Variants in CCDC60 observed in about 807,000 individuals in gnomAD.
CCDC60 encodes coiled-coil domain containing 60, also known as coiled-coil domain-containing protein 60.
A neutral mutation model predicts 63.5 loss-of-function variants in CCDC60; 54 were observed. That is an observed-to-expected ratio of 0.85 (90% confidence interval 0.68 to 1.07). The LOEUF (loss-of-function observed/expected upper bound fraction) is 1.07, where lower values mean the gene tolerates loss of function less well. CCDC60 is among the 50% of genes least tolerant of loss of function. The pLI is 0.00. For missense variants in CCDC60, 651 were observed against 684.3 expected (o/e 0.95, Z 0.54); for synonymous variants, 206 against 238.8 (o/e 0.86, Z 1.27).
chr12:119,343,666 A>G (rs1205686317), intron 1 of CCDC60, among the ~76,000 whole-genome samples: 1 of 147,040 alleles, frequency 6.8e-6, no homozygotes, highest in Non-Finnish European at 1.5e-5. Context: ...CAAACTATAT[A>G]TATATATATA....
chr12:119,420,585 G>A lies in CCDC60; in HGVS notation c.91-8098G>A, dbSNP rs1001927942. Among the ~76,000 whole-genome samples, 5 of 152,108 alleles carry A rather than the reference G, an allele frequency of 3.3e-5. No homozygotes were observed. Among genetic ancestry groups the A allele is most frequent in the Admixed American group, 3.3e-4 (5 of 15,272 alleles). On this transcript the variant is annotated intron_variant, in intron 1 of 13. Coordinates refer to ENST00000327554, the MANE Select transcript of CCDC60 (RefSeq NM_178499.5). This position sits in a 1 kb window ranked among gnomAD's most constrained non-coding sequence, Gnocchi z 4.1. The stretch of plus-strand genomic sequence containing the variant: ...GGCTGGGAAGGATAGTGGGGGATGG[G>A]GGGCAGAAGGTGGGAATGGCTAACG...
intron 12 of CCDC60, among the ~76,000 whole-genome samples, chr12:119,529,030 G>A (rs1313442518): frequency 6.6e-6 from 1 of 152,156 alleles, no homozygotes; most frequent in Non-Finnish European, 1.5e-5. Flanking sequence ...ACCTTGCCAG[G>A]CCCTGTGGGA....
At chr12:119,409,329 C>A (rs1956551343) in intron 1 of CCDC60, among the ~76,000 whole-genome samples, 1 of 152,052 alleles carries the variant, frequency 6.6e-6, no homozygotes, top group Non-Finnish European at 1.5e-5. Flanking sequence ...AAGGACTGTC[C>A]TGTATATTGT....
At chr12:119,344,815 ATTCTCTCTCTCTCTCTCTCT>A in intron 1 of CCDC60, among the ~76,000 whole-genome samples, 1 of 138,558 alleles carries the variant, frequency 7.2e-6, no homozygotes, top group East Asian at 2.4e-4. Flanking sequence ...CTCTTAGAAC[ATTCTCTCTCTCTCTCTCTCT>A]TTCTCTCTCT....
chr12:119,506,778 A>G (rs138976088), intron 7 of CCDC60, among the ~76,000 whole-genome samples: 10 of 152,328 alleles, frequency 6.6e-5, no homozygotes, highest in Non-Finnish European at 1.5e-4. Context: ...TCTACTAGAT[A>G]GAATCATGAC....
intron 2 of CCDC60, among the ~76,000 whole-genome samples, chr12:119,471,312 C>A (rs2136325875): frequency 1.3e-5 from 2 of 152,342 alleles, no homozygotes; most frequent in Admixed American, 1.3e-4. Context: ...CTGTAGCAGT[C>A]ATGCTGACAG....
chr12:119,457,633 G>C (rs1018641262), intron 2 of CCDC60, among the ~76,000 whole-genome samples: 17 of 152,180 alleles, frequency 1.1e-4, no homozygotes, highest in African/African-American at 4.1e-4. Flanking sequence ...ATAAAGAAGA[G>C]TGAAATCCTC....
chr12:119,523,641 A>G, intron 10 of CCDC60, 52 bp from the exon 11 acceptor site: 1 of 1,607,292 alleles, frequency 6.2e-7, no homozygotes, highest in Non-Finnish European at 8.5e-7. Context: ...CCAGGTTACT[A>G]GGGGACATCC....
At position 119,530,948 on chromosome 12, in the gene CCDC60, T is replaced by C. The variant is rs1455732247; in HGVS notation, c.1436T>C (p.Leu479Pro). ...FRPAKKILVK[L>P]QKFGENLDLR... Reference sequence around the variant, plus strand: ...CCCGCCAAAAAGATCCTGGTGAAACTGCAGAAGTTTGGAGAAAACCTGGAC... The same window carrying C: ...CCCGCCAAAAAGATCCTGGTGAAACCGCAGAAGTTTGGAGAAAACCTGGAC... Residue 479 changes from leucine to proline, a missense_variant, in exon 13 of 14, where the codon CTG becomes CCG. Coordinates refer to ENST00000327554, the MANE Select transcript of CCDC60 (RefSeq NM_178499.5). 6.2e-7 allele frequency: 1 copy of C among 1,614,186 alleles called. No homozygotes were observed. Among genetic ancestry groups the C allele is most frequent in the South Asian group, 1.1e-5 (1 of 91,072 alleles).
chr12:119,509,992 AT>A (rs2039183401), intron 7 of CCDC60, among the ~76,000 whole-genome samples: 1 of 152,104 alleles, frequency 6.6e-6, no homozygotes, highest in Non-Finnish European at 1.5e-5. Flanking sequence ...TGTGTCACTC[AT>A]TTTTGGTACC....
chr12:119,401,949 T>C lies in CCDC60; in HGVS notation c.91-26734T>C, dbSNP rs539199677. Among the ~76,000 whole-genome samples, 4 of 152,342 alleles carry C rather than the reference T, an allele frequency of 2.6e-5. No individual in the cohort carries two copies. The East Asian group carries it at 7.7e-4, about 29-fold the overall frequency. On this transcript the variant is annotated intron_variant, in intron 1 of 13. Coordinates refer to ENST00000327554, the MANE Select transcript of CCDC60 (RefSeq NM_178499.5). ...CTTCATTAACAGCACAGCTTATTAA[T>C]TGTAACAATTACATTCACAATTAAC... is the stretch of plus-strand genomic sequence containing the variant.
At chr12:119,389,816 C>A (rs1381264575) in intron 1 of CCDC60, among the ~76,000 whole-genome samples, 1 of 152,074 alleles carries the variant, frequency 6.6e-6, no homozygotes, top group Non-Finnish European at 1.5e-5. Flanking sequence ...ACAGAGCAAG[C>A]TTGCCATTCA....
intron 2 of CCDC60, among the ~76,000 whole-genome samples, chr12:119,446,485 G>A (rs78166673): frequency 0.023 from 3,440 of 152,218 alleles, 97 homozygotes; most frequent in African/African-American, 0.063. Flanking sequence ...CCCTGGGGCC[G>A]TACAACTGAA....
At chr12:119,535,864 T>A (rs1032552835) in intron 13 of CCDC60, among the ~76,000 whole-genome samples, 1 of 152,200 alleles carries the variant, frequency 6.6e-6, no homozygotes, top group Non-Finnish European at 1.5e-5. Flanking sequence ...ATAAGTGCGA[T>A]GTGGTGCTAA....
At chr12:119,349,761 C>T (rs765424550) in intron 1 of CCDC60, among the ~76,000 whole-genome samples, 10 of 152,170 alleles carry the variant, frequency 6.6e-5, no homozygotes, top group Non-Finnish European at 1.0e-4. Flanking sequence ...GTCTCCATCC[C>T]GTCTTTTGTA....
At chr12:119,427,382 A>C (rs1228573093) in intron 1 of CCDC60, among the ~76,000 whole-genome samples, 1 of 152,270 alleles carries the variant, frequency 6.6e-6, no homozygotes, top group Non-Finnish European at 1.5e-5. Context: ...ATCAATAAAC[A>C]TACTTACATT....
intron 1 of CCDC60, among the ~76,000 whole-genome samples, chr12:119,339,677 A>G (rs971222062): frequency 2.6e-5 from 4 of 152,130 alleles, no homozygotes; most frequent in African/African-American, 9.7e-5. Flanking sequence ...GTGTGGTGGC[A>G]TATGCCTATG....
At chr12:119,350,575 G>A (rs1955646397) in intron 1 of CCDC60, among the ~76,000 whole-genome samples, 3 of 152,242 alleles carry the variant, frequency 2.0e-5, no homozygotes, top group Admixed American at 1.3e-4. Context: ...AAGAAAATAG[G>A]AGACATGGGA....
intron 2 of CCDC60, among the ~76,000 whole-genome samples, chr12:119,445,433 C>CAACAAAAAAAAA (rs1950525293): frequency 3.7e-5 from 1 of 27,198 alleles, no homozygotes; most frequent in Non-Finnish European, 6.3e-5. Context: ...GACTCCATCT[C>CAACAAAAAAAAA]AAAAAAAAAA....
Sources: gnomAD v4.1 joint callset for allele counts (sites outside exome capture counted in the v4.1 genomes callset) on GRCh38, gnomAD v4.1.1 for gene constraint, Gnocchi (gnomAD v3.1) non-coding constraint, MANE v1.5 for transcripts, NCBI Gene and HGNC (gene_info 2026-07-23, HGNC 2026-07-21) for gene names.